TRPV5: variants seen among roughly 807,000 people sequenced by gnomAD.
TRPV5 encodes calcium transport protein 2.
In TRPV5, 66 loss-of-function variants were observed where a neutral mutation model predicts 74.1. That is an observed-to-expected ratio of 0.89 (90% CI 0.73 to 1.09). The LOEUF (loss-of-function observed/expected upper bound fraction) is 1.09. Among genes scored for constraint, TRPV5 ranks in the 50% least tolerant of loss-of-function variants. The pLI is 0.00. For synonymous variants in TRPV5, 399 were observed against 360.7 expected (o/e 1.11, Z -1.20); for missense variants, 936 against 930.4 (o/e 1.01, Z -0.08).
At chr7:142,913,677 GTTTTGTTTTGTTTGTT>G (rs1795745230) in intron 12 of TRPV5, among the ~76,000 whole-genome samples, 2 of 152,096 alleles carry the variant, frequency 1.3e-5, no homozygotes, top group Admixed American at 1.3e-4. Context: ...TGTTGTTGTT[GTTTTGTTTTGTTTGTT>G]TTTTGTTTTG....
rs1795732473 is a variant in TRPV5, at chr7:142,913,200, A to G, written c.1520-450T>C. Among the ~76,000 whole-genome samples, 3 of 152,190 alleles carry G rather than the reference A, an allele frequency of 2.0e-5. No homozygotes were observed. In the South Asian group the frequency reaches 6.2e-4, roughly 31 times the overall value. On this transcript the variant is annotated intron_variant, in intron 12 of 14. Transcript: ENST00000265310. ...GGCTAAAAGAAGAGCCCCTTTTTTA[A>G]TCTTGATGGCCTCTAGATAACCCTC...
chr7:142,930,105 G>C lies in TRPV5; in HGVS notation c.302C>G (p.Ala101Gly). ...NLEAALVLME[A>G]APELVFEPTT... Reference sequence around the variant, plus strand: ...GGGCTCAAAGACCAGCTCTGGGGCAGCCTCCATCAGCACCAAGGCCGCCTC... The same window carrying C: ...GGGCTCAAAGACCAGCTCTGGGGCACCCTCCATCAGCACCAAGGCCGCCTC... The change falls in exon 3 of 15, where the codon GCT (alanine) becomes GGT (glycine). Residue 101 changes from alanine to glycine, a missense_variant. Ala to Gly is a moderately conservative substitution (Grantham distance 60). Coordinates refer to ENST00000265310, the MANE Select transcript of TRPV5 (RefSeq NM_019841.7). The C allele has an allele frequency of 6.2e-7, 1 of 1,614,212 alleles. No individual in the cohort carries two copies. The highest frequency in any genetic ancestry group is 1.7e-5 in the Admixed American group (1 of 60,030).
At position 142,930,423 on chromosome 7, in the gene TRPV5, C is replaced by G. The variant is rs754804907; in HGVS notation, c.152G>C (p.Arg51Pro). Residue 51 changes from arginine (R) to proline (P), a missense_variant, in exon 2 of 15, where the codon CGA (arginine) becomes CCA (proline). Arg to Pro is a moderately radical substitution (Grantham distance 103). Coordinates refer to ENST00000265310, the MANE Select transcript of TRPV5 (RefSeq NM_019841.7). Reference protein sequence around the residue: ...QKRILESPLLRASKENDLSVL... With the variant: ...QKRILESPLLPASKENDLSVL... ...AGACAGGTCATTTTCCTTGGATGCT[C>G]GAAGCAGTGGAGACTCTAGAATCCT... 1 of 1,614,092 alleles carries G rather than the reference C, an allele frequency of 6.2e-7. No individual in the cohort carries two copies. The highest frequency in any genetic ancestry group is 1.1e-5 in the South Asian group (1 of 91,078).
intron 8 of TRPV5, 129 bp from the exon 9 acceptor site, chr7:142,915,697 C>A: frequency 1.2e-6 from 1 of 803,540 alleles, no homozygotes; most frequent in Non-Finnish European, 1.9e-6. Context: ...ATCACCCCAC[C>A]CCCATTGTAC....
chr7:142,926,150 A>G (rs963913759), intron 7 of TRPV5, among the ~76,000 whole-genome samples: 3 of 152,206 alleles, frequency 2.0e-5, no homozygotes, highest in Non-Finnish European at 4.4e-5. Context: ...ACTGAGGAAG[A>G]ACAGGGCCAG....
At chr7:142,924,796 A>T (rs1795956390) in intron 8 of TRPV5, 1 of 152,218 alleles carries the variant, frequency 6.6e-6, no homozygotes, top group Non-Finnish European at 1.5e-5. Context: ...AAATATAGCT[A>T]CAGTTGTTAA....
intron 8 of TRPV5, among the ~76,000 whole-genome samples, chr7:142,923,453 T>C (rs1341328488): frequency 6.6e-6 from 1 of 152,104 alleles, no homozygotes; most frequent in Non-Finnish European, 1.5e-5. Flanking sequence ...AGTCATCCCA[T>C]AAATCAGGGC....
intron 8 of TRPV5, among the ~76,000 whole-genome samples, chr7:142,919,716 C>A (rs1455684349): frequency 6.6e-6 from 1 of 152,206 alleles, no homozygotes; most frequent in African/African-American, 2.4e-5. Flanking sequence ...ATGAGATTTG[C>A]TCTCACTTCC....
At chr7:142,912,194 A>G (rs1055091470) in intron 13 of TRPV5, among the ~76,000 whole-genome samples, 3 of 152,222 alleles carry the variant, frequency 2.0e-5, no homozygotes, top group Middle Eastern at 3.2e-3. Context: ...ACTGGAATAT[A>G]CCAGAACAAG....
At position 142,915,526 on chromosome 7, in the gene TRPV5, C is replaced by T; in HGVS notation, c.1165G>A (p.Glu389Lys). Residue 389 changes from glutamate (E) to lysine (K), a missense_variant, in exon 9 of 15, where the codon GAG becomes AAG. Transcript: ENST00000265310. ...ACAGCCCCAACGATGCTCACCAGCT[C>T]CCCCACCAGCCTGATGATATCTTCA... is the stretch of plus-strand genomic sequence containing the variant. Reference protein sequence around the residue: ...TREDIIRLVGELVSIVGAVII... With the variant: ...TREDIIRLVGKLVSIVGAVII... 6.2e-7 allele frequency: 1 copy of T among 1,614,118 alleles called. No individual in the cohort carries two copies. The highest frequency in any genetic ancestry group is 8.5e-7 in the Non-Finnish European group (1 of 1,180,016).
chr7:142,915,766 G>A (rs1264685888), intron 8 of TRPV5, among the ~76,000 whole-genome samples, 198 bp from the exon 9 acceptor site: 1 of 152,180 alleles, frequency 6.6e-6, no homozygotes, highest in Admixed American at 6.5e-5. Context: ...AGGTTTAATA[G>A]ACGTCACATA....
rs1291420325 is a variant in TRPV5 at position 142,908,666 on chromosome 7, A to T, written c.2038T>A (p.Ser680Thr). 6.2e-7 allele frequency: 1 copy of T among 1,614,100 alleles called. No individual in the cohort carries two copies. Among genetic ancestry groups the T allele is most frequent in the African/African-American group, 1.3e-5 (1 of 74,930 alleles). ...GAESGTLARA[S>T]LALPTSSLSR... is the part of the protein sequence containing the mutation. ...AGGGAGGAAGTTGGAAGAGCCAAAG[A>T]GGCTCTGGCTAGAGTCCCACTCTCA... Residue 680 changes from serine (S) to threonine (T), a missense_variant, in exon 15 of 15, where the codon TCT (serine) becomes ACT (threonine). Physicochemically the swap from Ser to Thr is moderately conservative, Grantham distance 58 (BLOSUM62 1). Coordinates refer to ENST00000265310, the MANE Select transcript of TRPV5 (RefSeq NM_019841.7).
Position 142,928,754 on chromosome 7 carries a change from G to A in TRPV5, c.699C>T (p.Asp233=), listed in dbSNP as rs111950088. The change falls in exon 6 of 15, where the codon GAC becomes GAT. Residue 233 remains aspartate (D), a synonymous_variant. Transcript: ENST00000265310. ...DGHGDHLQPL[D]LVPNHQGLTP... is the part of the protein sequence containing the mutation. ...TGAGACCCTGGTGATTGGGCACAAG[G>A]TCCAGGGGCTGCAGGTGGTCCCCAT... The A allele has an allele frequency of 6.8e-6, 11 of 1,614,184 alleles. No homozygotes were observed. The highest frequency in any genetic ancestry group is 9.3e-6 in the Non-Finnish European group (11 of 1,180,032).
intron 8 of TRPV5, among the ~76,000 whole-genome samples, chr7:142,917,943 G>C (rs1795826653): frequency 6.6e-6 from 1 of 152,144 alleles, no homozygotes; most frequent in South Asian, 2.1e-4. Context: ...TGATAATATT[G>C]GGCTTTTAAA....
In TRPV5 at chr7:142,908,793, A is replaced by T. The variant is rs763863029; in HGVS notation, c.1911T>A (p.Asn637Lys). ...GAAGCACTCGCAGAGGATTCTGATCATTGTGGTTCTCAACCCTGATAAGGG... is the reference window on the plus strand; with the variant it reads ...GAAGCACTCGCAGAGGATTCTGATCTTTGTGGTTCTCAACCCTGATAAGGG... Reference protein sequence around the residue: ...DRWFLRVENHNDQNPLRVLRY... With the variant: ...DRWFLRVENHKDQNPLRVLRY... Residue 637 changes from asparagine to lysine, a missense_variant, in exon 15 of 15, where the codon AAT becomes AAA. Asn to Lys is a moderately conservative substitution (Grantham distance 94, BLOSUM62 0). Transcript: ENST00000265310. 3 of 1,611,494 alleles carry T rather than the reference A, an allele frequency of 1.9e-6. No individual in the cohort carries two copies. The highest frequency in any genetic ancestry group is 2.5e-6 in the Non-Finnish European group (3 of 1,179,088).
intron 7 of TRPV5, among the ~76,000 whole-genome samples, chr7:142,927,749 C>T (rs185845096): frequency 2.4e-4 from 36 of 152,004 alleles, no homozygotes; most frequent in Non-Finnish European, 1.5e-4. Flanking sequence ...CTGTGGATTA[C>T]AATTTGACAT....
chr7:142,912,593 G>A lies in TRPV5; in HGVS notation c.1677C>T (p.Asn559=), dbSNP rs772462369. The part of the protein sequence containing the change: ...VDLPFMFSIV[N]FAFTIIATLL... ...GTGTGGCAATGATGGTGAAGGCGAAGTTGACAATGCTGAACATGAAGGGCA... is the reference window on the plus strand; with the variant it reads ...GTGTGGCAATGATGGTGAAGGCGAAATTGACAATGCTGAACATGAAGGGCA... Residue 559 remains asparagine, a synonymous_variant, in exon 13 of 15, where the codon AAC becomes AAT. Transcript: ENST00000265310. 50 of 1,614,124 alleles carry A rather than the reference G, an allele frequency of 3.1e-5. No homozygotes were observed. Among genetic ancestry groups the A allele is most frequent in the Non-Finnish European group, 4.2e-5 (50 of 1,180,060 alleles).
rs768765366 is a variant in TRPV5, at chr7:142,928,085, T to C, written c.909+3A>G. 1.2e-6 allele frequency: 2 copies of C among 1,614,170 alleles called. No individual in the cohort carries two copies. Among genetic ancestry groups the C allele is most frequent in the South Asian group, 1.1e-5 (1 of 91,080 alleles). On this transcript the variant is annotated splice_donor_region_variant and intron_variant, in intron 7 of 14. Coordinates refer to ENST00000265310, the MANE Select transcript of TRPV5 (RefSeq NM_019841.7). ...CAGGCCTGATCCTCCTTGGCATCCA[T>C]ACCTCTCGTTTATCAGAGGAGACCA... is the stretch of plus-strand genomic sequence containing the variant.
Position 142,929,514 on chromosome 7 carries a change from C to T in TRPV5, c.401G>A (p.Arg134His), listed in dbSNP as rs370332135. The change falls in exon 4 of 15, where the codon CGT becomes CAT. Residue 134 changes from arginine to histidine, a missense_variant. Arg to His is a conservative substitution (Grantham distance 29). Coordinates refer to ENST00000265310, the MANE Select transcript of TRPV5 (RefSeq NM_019841.7). ...ACTGGCCCTGCGGGTGAGCAGGGCACGCACCAGGTTCACATTCTGGTTCAC... is the reference window on the plus strand; with the variant it reads ...ACTGGCCCTGCGGGTGAGCAGGGCATGCACCAGGTTCACATTCTGGTTCAC... ...AVVNQNVNLV[R>H]ALLTRRASVS... The T allele has an allele frequency of 9.0e-4, 1,455 of 1,614,126 alleles. 26 individuals are homozygous for T. In the South Asian group the frequency reaches 0.015, roughly 17 times the overall value.
Sources: gnomAD v4.1 joint callset for allele counts (sites outside exome capture counted in the v4.1 genomes callset) on GRCh38, gnomAD v4.1.1 for gene constraint, MANE v1.5 for transcripts, NCBI Gene and HGNC (gene_info 2026-07-23, HGNC 2026-07-21) for gene names.